Variants in SDK1 observed in about 807,000 individuals in gnomAD.
SDK1 encodes protein sidekick-1.
A neutral mutation model predicts 245.5 loss-of-function variants in SDK1; 157 were observed. That is an observed-to-expected ratio of 0.64 (90% CI 0.56 to 0.73). The LOEUF is 0.73. SDK1 is among the 30% of genes least tolerant of loss of function. SDK1 has a pLI of 0.00. For missense variants in SDK1, 3,583 were observed against 3,002.3 expected (o/e 1.19, Z -4.52); for synonymous variants, 1,647 against 1,278.5 (o/e 1.29, Z -6.15).
chr7:3,686,171 G>A (rs1357585080), intron 4 of SDK1, among the ~76,000 whole-genome samples: 3 of 152,150 alleles, frequency 2.0e-5, no homozygotes, highest in South Asian at 2.1e-4. Context: ...TACCTCCTGG[G>A]TTCAAGTGAT....
At chr7:3,950,574 A>T (rs1003576508) in intron 5 of SDK1, among the ~76,000 whole-genome samples, 1 of 152,206 alleles carries the variant, frequency 6.6e-6, no homozygotes, top group African/African-American at 2.4e-5. Context: ...CATTTATGAC[A>T]GGTGTGTATG....
At chr7:4,094,273 G>T (rs1189588113) in intron 22 of SDK1, among the ~76,000 whole-genome samples, 2 of 152,140 alleles carry the variant, frequency 1.3e-5, no homozygotes, top group Non-Finnish European at 2.9e-5. Context: ...TGTTGTCCAG[G>T]CTGGTCTCAA....
intron 4 of SDK1, among the ~76,000 whole-genome samples, chr7:3,657,008 A>C (rs1013530557): frequency 2.0e-5 from 3 of 151,936 alleles, no homozygotes; most frequent in African/African-American, 7.2e-5. Context: ...CGGCCTCCCA[A>C]AGTGCTGGGA....
chr7:4,126,813 A>C (rs1784419126), intron 25 of SDK1, among the ~76,000 whole-genome samples: 1 of 152,214 alleles, frequency 6.6e-6, no homozygotes, highest in African/African-American at 2.4e-5. Flanking sequence ...CGATTTTCTC[A>C]GCTTTAGTTT....
rs1788446573 is a variant in SDK1 at position 4,266,000 on chromosome 7, C to T, written c.*616C>T. ...GGTTCCTGACGGCCAGGCAGGGATG[C>T]TAAGGTGTGGCTCAGCCGTCACTGT... On this transcript the variant is annotated 3_prime_UTR_variant, in exon 45 of 45. Transcript: ENST00000404826. 1.0e-6 allele frequency: 1 copy of T among 985,478 alleles called. No homozygotes were observed. The highest frequency in any genetic ancestry group is 4.7e-5 in the South Asian group (1 of 21,296). The allele number at this position is 985,478 out of a possible 1,614,324, so 61.0% of individuals were successfully genotyped here. A position where few individuals can be genotyped will look rare whatever the true frequency, so the allele number is the denominator to read the frequency against.
chr7:4,120,814 C>T (rs1445544421), intron 25 of SDK1, among the ~76,000 whole-genome samples: 1 of 151,870 alleles, frequency 6.6e-6, no homozygotes, highest in African/African-American at 2.4e-5. Flanking sequence ...TGGGGTTTCA[C>T]CATGTTGGCC....
At chr7:3,657,134 A>G (rs1373135372) in intron 4 of SDK1, among the ~76,000 whole-genome samples, 10 of 152,208 alleles carry the variant, frequency 6.6e-5, no homozygotes, top group Admixed American at 5.2e-4. Context: ...CCTAGGGAGA[A>G]AGGGATGTGC....
At chr7:3,488,604 C>T (rs146978974) in intron 1 of SDK1, among the ~76,000 whole-genome samples, 1 of 152,180 alleles carries the variant, frequency 6.6e-6, no homozygotes. Context: ...AAGTCCCTTA[C>T]AATGCTCATC....
At chr7:3,978,720 T>C (rs1783158999) in intron 13 of SDK1, among the ~76,000 whole-genome samples, 1 of 152,158 alleles carries the variant, frequency 6.6e-6, no homozygotes, top group Non-Finnish European at 1.5e-5. Context: ...AGCTCTGTAG[T>C]GTTTCCATCA....
chr7:3,834,768 A>G (rs1779993079), intron 5 of SDK1, among the ~76,000 whole-genome samples: 2 of 152,192 alleles, frequency 1.3e-5, no homozygotes, highest in Admixed American at 6.5e-5. Flanking sequence ...TCCGCAAGCC[A>G]CGGGAAGAGT....
rs139644725 is a variant in SDK1 at position 3,743,377 on chromosome 7, C to A, written c.714-78073C>A. On this transcript the variant is annotated intron_variant, in intron 4 of 44. Coordinates refer to ENST00000404826, the MANE Select transcript of SDK1 (RefSeq NM_152744.4). ...GATTTTTGAACCCAAAACATTCAGC[C>A]CATTCTCCTTGTCACAACTCTCTTA... is the stretch of plus-strand genomic sequence containing the variant. Among the ~76,000 whole-genome samples the A allele has an allele frequency of 5.1e-3, 780 of 152,194 alleles. 9 individuals are homozygous for A. The highest frequency in any genetic ancestry group is 0.018 in the African/African-American group (729 of 41,496).
At chr7:4,122,942 C>A (rs1178833756) in intron 25 of SDK1, among the ~76,000 whole-genome samples, 1 of 152,214 alleles carries the variant, frequency 6.6e-6, no homozygotes. Flanking sequence ...CTGCCATTTT[C>A]TTTGCTTTAG....
Position 3,761,119 on chromosome 7 carries a change from G to A in SDK1, c.714-60331G>A, listed in dbSNP as rs1331988213. Reference sequence around the variant, plus strand: ...TTATGTAAAGATTTGTAAATATTTTGTGAATCTGTAACAGAATGAGTAGCA... The same window carrying A: ...TTATGTAAAGATTTGTAAATATTTTATGAATCTGTAACAGAATGAGTAGCA... On this transcript the variant is annotated intron_variant, in intron 4 of 44. Transcript: ENST00000404826. 3.3e-5 allele frequency among the ~76,000 whole-genome samples: 5 copies of A among 152,248 alleles called. No homozygotes were observed. The East Asian group carries it at 9.6e-4, about 29-fold the overall frequency.
At chr7:3,803,416 T>A (rs1006478227) in intron 4 of SDK1, among the ~76,000 whole-genome samples, 1 of 151,532 alleles carries the variant, frequency 6.6e-6, no homozygotes, top group Non-Finnish European at 1.5e-5. Context: ...ATTCAAGCAA[T>A]TCTCCCACCT....
chr7:3,739,909 G>T (rs1423629869), intron 4 of SDK1, among the ~76,000 whole-genome samples: 16 of 152,092 alleles, frequency 1.1e-4, no homozygotes, highest in Non-Finnish European at 1.5e-5. Flanking sequence ...ACCCTATGCA[G>T]AATTTACTTT....
intron 4 of SDK1, among the ~76,000 whole-genome samples, chr7:3,680,383 C>G (rs908827007): frequency 2.0e-5 from 3 of 152,066 alleles, no homozygotes; most frequent in Admixed American, 1.3e-4. Context: ...GTAGGACAGT[C>G]TGTGTGTTGA....
chr7:3,790,857 G>T (rs957637803), intron 4 of SDK1, among the ~76,000 whole-genome samples: 1 of 152,104 alleles, frequency 6.6e-6, no homozygotes, highest in Admixed American at 6.5e-5. Flanking sequence ...GGAACTTGGG[G>T]CTAGGGAGGT....
intron 4 of SDK1, among the ~76,000 whole-genome samples, chr7:3,775,766 C>CGGGGTTTCACCTTGTTAGCCAGG: frequency 6.6e-6 from 1 of 151,738 alleles, no homozygotes; most frequent in Non-Finnish European, 1.5e-5. Context: ...TTAGTAGAGA[C>CGGGGTTTCACCTTGTTAGCCAGG]GGGGTTTCAC....
chr7:4,161,383 A>G (rs1018716211), intron 31 of SDK1, among the ~76,000 whole-genome samples: 3 of 152,178 alleles, frequency 2.0e-5, no homozygotes, highest in African/African-American at 4.8e-5. Context: ...CATGTGTCCT[A>G]TTCAGGAAAA....
Sources: gnomAD v4.1 joint callset for allele counts (sites outside exome capture counted in the v4.1 genomes callset) on GRCh38, gnomAD v4.1.1 for gene constraint, MANE v1.5 for transcripts, NCBI Gene and HGNC (gene_info 2026-07-23, HGNC 2026-07-21) for gene names.